HELZ: variants seen among roughly 807,000 people sequenced by gnomAD.
The protein encoded by HELZ is ATP-dependent RNA helicase with zinc finger domain.
Under a neutral mutation model 218.2 loss-of-function variants are expected in HELZ, and 23 were observed. The ratio of observed to expected loss-of-function variants is 0.11; its 90% CI spans 0.08 to 0.15. HELZ has a LOEUF of 0.15. HELZ is among the 10% of genes least tolerant of loss of function. The pLI, the probability that HELZ is intolerant of heterozygous loss-of-function variation, is 1.00. For synonymous variants in HELZ, 814 were observed against 829.4 expected, an observed-to-expected ratio of 0.98 and a Z score of 0.32; for missense variants, 1,813 against 2,353.7, an observed-to-expected ratio of 0.77 and a Z score of 4.75.
intron 31 of HELZ, among the ~76,000 whole-genome samples, chr17:67,104,644 T>C (rs944351709): frequency 1.3e-5 from 2 of 151,884 alleles, no homozygotes; most frequent in Non-Finnish European, 2.9e-5. Flanking sequence ...AAATCATATA[T>C]GAGATTAAGA....
rs769874095 is a variant in HELZ at position 67,136,107 on chromosome 17, A to C, written c.3045T>G (p.Leu1015=). The change falls in exon 23 of 33, where the codon CTT becomes CTG. Residue 1015 remains leucine, a synonymous_variant. Transcript: ENST00000358691. The part of the protein sequence containing the change: ...KQTPIKKKEQ[L]LEDSTEDLDY... ...CTAAGTCCTCTGTGGAATCTTCCAGAAGTTGCTCTTTCTTTTTAATTGGTG... is the reference window on the plus strand; with the variant it reads ...CTAAGTCCTCTGTGGAATCTTCCAGCAGTTGCTCTTTCTTTTTAATTGGTG... The C allele has an allele frequency of 1.2e-5, 20 of 1,613,840 alleles. No homozygotes were observed. The highest frequency in any genetic ancestry group is 1.6e-5 in the Non-Finnish European group (19 of 1,179,868).
intron 23 of HELZ, among the ~76,000 whole-genome samples, chr17:67,129,769 G>C (rs1428441290): frequency 2.6e-5 from 4 of 152,068 alleles, no homozygotes; most frequent in African/African-American, 9.7e-5. Context: ...TTCTAGGTTT[G>C]AAAATTGATT....
chr17:67,227,007 AG>A (rs990264492), intron 3 of HELZ, among the ~76,000 whole-genome samples: 1 of 152,182 alleles, frequency 6.6e-6, no homozygotes, highest in Non-Finnish European at 1.5e-5. Context: ...TAACTATAAA[AG>A]AATAGCATGA....
intron 4 of HELZ, 24 bp downstream of exon 4, chr17:67,218,571 G>C: frequency 2.0e-6 from 3 of 1,537,974 alleles, no homozygotes; most frequent in Non-Finnish European, 2.7e-6. Context: ...GTTCAGCATT[G>C]GCTTATTGAC....
At chr17:67,162,681 T>C (rs1345191925) in intron 15 of HELZ, among the ~76,000 whole-genome samples, 1 of 152,046 alleles carries the variant, frequency 6.6e-6, no homozygotes, top group Non-Finnish European at 1.5e-5. Flanking sequence ...GAAGAAGTCC[T>C]GAGAAGGACT....
At chr17:67,111,285 T>G (rs1274443375) in intron 28 of HELZ, among the ~76,000 whole-genome samples, 1 of 152,210 alleles carries the variant, frequency 6.6e-6, no homozygotes, top group Non-Finnish European at 1.5e-5. Context: ...CCTTCTGAAA[T>G]GTAAATTTGA....
intron 2 of HELZ, among the ~76,000 whole-genome samples, chr17:67,242,214 G>A (rs773991652): frequency 3.3e-5 from 5 of 152,078 alleles, no homozygotes; most frequent in Admixed American, 6.5e-5. Flanking sequence ...TCAGGAGCTC[G>A]AGACCAGCCT....
At chr17:67,219,224 C>G (rs980101545) in intron 3 of HELZ, among the ~76,000 whole-genome samples, 2 of 152,200 alleles carry the variant, frequency 1.3e-5, no homozygotes, top group African/African-American at 4.8e-5. Flanking sequence ...TTCAGTCTCA[C>G]AGTTCTGTGA....
In HELZ at chr17:67,231,713, C is replaced by T. The variant is rs139492290; in HGVS notation, c.-19+7720G>A. 5.5e-3 allele frequency among the ~76,000 whole-genome samples: 830 copies of T among 151,968 alleles called. 5 individuals are homozygous for T. Among genetic ancestry groups the T allele is most frequent in the African/African-American group, 0.019 (788 of 41,464 alleles). ...GTAAAGAGTTTATGAGAACTCTGACCTATACTTCTTAATTTTCTGTAAATC... is the reference window on the plus strand; with the variant it reads ...GTAAAGAGTTTATGAGAACTCTGACTTATACTTCTTAATTTTCTGTAAATC... On this transcript the variant is annotated intron_variant, in intron 3 of 32. Coordinates refer to ENST00000358691, the MANE Select transcript of HELZ (RefSeq NM_014877.4).
chr17:67,094,333 A>AAGAGAGAGAG (rs1555597034), intron 31 of HELZ, among the ~76,000 whole-genome samples: 15 of 146,632 alleles, frequency 1.0e-4, no homozygotes, highest in African/African-American at 3.9e-4. Context: ...AAAAAAAAAA[A>AAGAGAGAGAG]AGAGAGAGAG....
In HELZ at chr17:67,203,295, C is replaced by T. The variant is rs765091129; in HGVS notation, c.372+24G>A. The T allele has an allele frequency of 4.4e-6, 7 of 1,607,526 alleles. No individual in the cohort carries two copies. In the African/African-American group the frequency reaches 9.4e-5, roughly 22 times the overall value. On this transcript the variant is annotated intron_variant, in intron 6 of 32. Coordinates refer to ENST00000358691, the MANE Select transcript of HELZ (RefSeq NM_014877.4). ...AAATAAAAATTTGTTTTCAGGCATA[C>T]AAAATTAGAGCTTATCAACATACCA... is the stretch of plus-strand genomic sequence containing the variant.
Position 67,072,675 on chromosome 17 carries a change from G to GT in HELZ, c.*5576dup. 6.6e-6 allele frequency: 1 copy of GT among 152,376 alleles called. No homozygotes were observed. 9.4% of individuals were successfully genotyped at this position (152,376 alleles called of 1,614,324 possible). A position where few individuals can be genotyped will look rare whatever the true frequency, so the allele number is the denominator to read the frequency against. ...CCAGCAGGGGTGAGAGTGAGGAGGG[G>GT]TGGTGGCCAATCCAAAGGGCCTGTC... On this transcript the variant is annotated 3_prime_UTR_variant, in exon 33 of 33. Transcript: ENST00000358691.
rs1244508066 is a variant in HELZ, at chr17:67,072,898, AT to A, written c.*5353del. 1 of 152,250 alleles carries A rather than the reference AT, an allele frequency of 6.6e-6. No individual in the cohort carries two copies. Among genetic ancestry groups the A allele is most frequent in the Non-Finnish European group, 1.5e-5 (1 of 68,050 alleles). The allele number at this position is 152,250 out of a possible 1,614,324, so 9.4% of individuals were successfully genotyped here. On this transcript the variant is annotated 3_prime_UTR_variant, in exon 33 of 33. Coordinates refer to ENST00000358691, the MANE Select transcript of HELZ (RefSeq NM_014877.4). The stretch of plus-strand genomic sequence containing the variant: ...AAAGTGTGGTTCCTGGACTGGCAGC[AT>A]CAGCATCGCCTGGAAACTTGTTGGA...
intron 2 of HELZ, 86 bp downstream of exon 2, chr17:67,243,698 C>G (rs1316966045): frequency 6.6e-6 from 1 of 152,192 alleles, no homozygotes; most frequent in African/African-American, 2.4e-5. Flanking sequence ...ATGGCCCCAT[C>G]AAATTACTCA....
chr17:67,198,135 T>G (rs1043082240), intron 7 of HELZ, among the ~76,000 whole-genome samples: 3 of 152,240 alleles, frequency 2.0e-5, no homozygotes, highest in African/African-American at 7.2e-5. Flanking sequence ...TATCTCCTTT[T>G]TAAAACCTAT....
At chr17:67,156,720 C>T (rs1470913025) in intron 17 of HELZ, among the ~76,000 whole-genome samples, 2 of 151,980 alleles carry the variant, frequency 1.3e-5, no homozygotes, top group East Asian at 3.9e-4. Flanking sequence ...CTTCAATCAC[C>T]ACCAATACCC....
At chr17:67,245,368 C>A, upstream of HELZ, 1 of 729,832 alleles carries the variant, frequency 1.4e-6, no homozygotes, top group Non-Finnish European at 1.7e-6. Context: ...CCCGGGCTGA[C>A]GGCATTGAAA....
rs1052804483 is a variant in HELZ, at chr17:67,149,561, T to C, written c.2475+306A>G. 3.9e-5 allele frequency among the ~76,000 whole-genome samples: 6 copies of C among 152,170 alleles called. No individual in the cohort carries two copies. The South Asian group carries it at 8.3e-4, about 21-fold the overall frequency. On this transcript the variant is annotated intron_variant, in intron 19 of 32. Coordinates refer to ENST00000358691, the MANE Select transcript of HELZ (RefSeq NM_014877.4). ...ACAATTCCCCAGGATCCTACAGGAA[T>C]GATCATTTAAATTTCACTTCACAAA...
chr17:67,171,727 C>T (rs574632546), intron 13 of HELZ, among the ~76,000 whole-genome samples: 1 of 152,300 alleles, frequency 6.6e-6, no homozygotes, highest in Admixed American at 6.5e-5. Context: ...AAGCACCCTC[C>T]ATTGCAACTA....
Sources: allele counts gnomAD v4.1 joint callset (sites outside exome capture counted in the v4.1 genomes callset), GRCh38; gene constraint gnomAD v4.1.1; transcripts MANE v1.5; gene names NCBI Gene and HGNC (gene_info 2026-07-23, HGNC 2026-07-21).